The following GNG7 variants were observed in gnomAD, a reference collection of about 807,000 sequenced individuals.
GNG7 encodes G protein subunit gamma 7, also known as guanine nucleotide-binding protein G(I)/G(S)/G(O) subunit gamma-7.
A neutral mutation model predicts 4.0 loss-of-function variants in GNG7; 1 was observed. The observed-to-expected ratio is 0.25, with a 90% confidence interval of 0.09 to 1.18. GNG7 has a LOEUF of 1.18. Ranked by LOEUF, GNG7 falls within the 50% of genes most tolerant of loss-of-function variation. GNG7 has a pLI of 0.50. For missense variants in GNG7, 86 were observed against 91.9 expected (o/e 0.94, Z 0.26); for synonymous variants, 34 against 36.9 (o/e 0.92, Z 0.29).
chr19:2,592,163 A>G lies in GNG7; in HGVS notation c.-77-36975T>C, dbSNP rs148824715. On this transcript the variant is annotated intron_variant, in intron 2 of 4. Coordinates refer to ENST00000382159, the MANE Select transcript of GNG7 (RefSeq NM_052847.3). ...TTCTGCTGCAACATTATTTGGATGT[A>G]AGAAAAACTGTAAAGATCAGTAGTG... is the stretch of plus-strand genomic sequence containing the variant. Among the ~76,000 whole-genome samples the G allele has an allele frequency of 4.6e-5, 7 of 152,330 alleles. No homozygotes were observed. In the East Asian group the frequency reaches 1.3e-3, roughly 29 times the overall value.
intron 3 of GNG7, among the ~76,000 whole-genome samples, chr19:2,549,309 T>G (rs1979239302): frequency 6.7e-6 from 1 of 150,324 alleles, no homozygotes; most frequent in Non-Finnish European, 1.5e-5. Flanking sequence ...TTTTTTTTCT[T>G]TTAGATGGAG....
chr19:2,525,971 A>ATTTTTTTTTTTTTTTTTTTTTTT lies in GNG7; in HGVS notation c.-37-5247_-37-5246insAAAAAAAAAAAAAAAAAAAAAAA, dbSNP rs35639922. 2.6e-3 allele frequency among the ~76,000 whole-genome samples: 197 copies of ATTTTTTTTTTTTTTTTTTTTTTT among 75,672 alleles called. 31 individuals are homozygous for ATTTTTTTTTTTTTTTTTTTTTTT. Among genetic ancestry groups the ATTTTTTTTTTTTTTTTTTTTTTT allele is most frequent in the Non-Finnish European group, 3.6e-3 (157 of 43,522 alleles). 49.6% of individuals were successfully genotyped at this position (75,672 alleles called of 152,430 possible). A position where few individuals can be genotyped will look rare whatever the true frequency, so the allele number is the denominator to read the frequency against. ...ATTACAGGTGCCTGCCTCCACGCCA[A>ATTTTTTTTTTTTTTTTTTTTTTT]TTTTTTTTTTTTTTTTTGAGACAGA... is the stretch of plus-strand genomic sequence containing the variant. On this transcript the variant is annotated intron_variant, in intron 3 of 4. Transcript: ENST00000382159.
At chr19:2,686,577 G>A (rs886987470) in intron 1 of GNG7, among the ~76,000 whole-genome samples, 1 of 152,030 alleles carries the variant, frequency 6.6e-6, no homozygotes, top group Non-Finnish European at 1.5e-5. Context: ...CAACACATTC[G>A]GGACCGGCAG....
At chr19:2,651,768 A>G (rs569071280) in intron 1 of GNG7, among the ~76,000 whole-genome samples, 1 of 151,616 alleles carries the variant, frequency 6.6e-6, no homozygotes, top group East Asian at 2.0e-4. Flanking sequence ...GTTATGCCAT[A>G]TTGGCCAGGC....
intron 2 of GNG7, among the ~76,000 whole-genome samples, chr19:2,605,498 C>T (rs1298076808): frequency 6.9e-6 from 1 of 145,004 alleles, no homozygotes; most frequent in East Asian, 2.0e-4. Context: ...CACACCTGGC[C>T]AAATCTCACT....
intron 1 of GNG7, among the ~76,000 whole-genome samples, chr19:2,684,134 CA>C (rs1373278065): frequency 7.8e-6 from 1 of 128,790 alleles, no homozygotes; most frequent in Admixed American, 8.3e-5. Flanking sequence ...CCAGCCTGGC[CA>C]TTTTTTTTTT....
chr19:2,517,832 C>T (rs1299084538), intron 4 of GNG7, among the ~76,000 whole-genome samples: 2 of 152,224 alleles, frequency 1.3e-5, no homozygotes, highest in South Asian at 2.1e-4. Flanking sequence ...CATCCCAGAT[C>T]CTCTGTCCTC....
chr19:2,671,986 G>C (rs1408414661), intron 1 of GNG7, among the ~76,000 whole-genome samples: 1 of 136,600 alleles, frequency 7.3e-6, no homozygotes, highest in Non-Finnish European at 1.5e-5. Context: ...GGGAGGTGGA[G>C]CTTGCAGTGA....
chr19:2,547,911 C>T (rs1307543068), intron 3 of GNG7, among the ~76,000 whole-genome samples: 1 of 152,204 alleles, frequency 6.6e-6, no homozygotes, highest in Non-Finnish European at 1.5e-5. Flanking sequence ...TAGGCCCACC[C>T]CTCTGGGCTC....
chr19:2,636,772 C>A (rs754239935), intron 2 of GNG7, among the ~76,000 whole-genome samples: 4 of 152,046 alleles, frequency 2.6e-5, no homozygotes, highest in African/African-American at 4.8e-5. Context: ...AGTGTTGAAC[C>A]AGGAAGGTAT....
chr19:2,539,006 C>T (rs1978851732), intron 3 of GNG7, among the ~76,000 whole-genome samples: 1 of 152,064 alleles, frequency 6.6e-6, no homozygotes, highest in South Asian at 2.1e-4. Flanking sequence ...CTCCTGACCT[C>T]ATGATCTGCC....
chr19:2,693,767 G>A (rs1000575534), intron 1 of GNG7, among the ~76,000 whole-genome samples: 1 of 152,080 alleles, frequency 6.6e-6, no homozygotes, highest in Non-Finnish European at 1.5e-5. Flanking sequence ...CACCCCCAGG[G>A]ACAAGCTCTG....
rs1288420444 is a variant in GNG7, at chr19:2,634,469, A to G, written c.-78+11755T>C. Among the ~76,000 whole-genome samples the G allele has an allele frequency of 6.6e-6, 1 of 152,180 alleles. No homozygotes were observed. The highest frequency in any genetic ancestry group is 2.4e-5 in the African/African-American group (1 of 41,434). The stretch of plus-strand genomic sequence containing the variant: ...ATGTCCAAGCTCTCCTACCGCCGGG[A>G]AGCACTGCCTTGTCCTGGGCTACAG... On this transcript the variant is annotated intron_variant, in intron 2 of 4. Transcript: ENST00000382159. This position sits in a 1 kb window ranked among gnomAD's most constrained non-coding sequence, Gnocchi z 5.3.
chr19:2,602,376 C>T (rs548766238), intron 2 of GNG7, among the ~76,000 whole-genome samples: 9 of 152,318 alleles, frequency 5.9e-5, no homozygotes, highest in African/African-American at 1.9e-4. Context: ...GACTGGGCTG[C>T]GGGCTGCGTC....
At chr19:2,573,242 C>G (rs1007462535) in intron 2 of GNG7, among the ~76,000 whole-genome samples, 1 of 151,206 alleles carries the variant, frequency 6.6e-6, no homozygotes, top group Non-Finnish European at 1.5e-5. Context: ...AGGCTGGTCT[C>G]GAACTCCCAA....
At chr19:2,584,987 G>A (rs1310683526) in intron 2 of GNG7, among the ~76,000 whole-genome samples, 4 of 92,758 alleles carry the variant, frequency 4.3e-5, no homozygotes, top group African/African-American at 2.5e-4. Context: ...AGGGATGGAG[G>A]GAGGGAGGGA....
chr19:2,631,163 A>G (rs1455141057), intron 2 of GNG7, among the ~76,000 whole-genome samples: 1 of 152,174 alleles, frequency 6.6e-6, no homozygotes, highest in Non-Finnish European at 1.5e-5. Flanking sequence ...TAACCCCTTG[A>G]GAGGCAGGCA....
At chr19:2,542,942 T>C (rs1249529023) in intron 3 of GNG7, among the ~76,000 whole-genome samples, 1 of 150,290 alleles carries the variant, frequency 6.7e-6, no homozygotes, top group African/African-American at 2.5e-5. Context: ...AGGCAGAGTC[T>C]CGCTCTGTCA....
At chr19:2,597,011 C>T (rs974827961) in intron 2 of GNG7, among the ~76,000 whole-genome samples, 22 of 152,182 alleles carry the variant, frequency 1.4e-4, no homozygotes, top group African/African-American at 4.8e-4. Flanking sequence ...GCAATCCCAG[C>T]ACTTTTGGAG....
Sources: gnomAD v4.1 joint callset for allele counts (sites outside exome capture counted in the v4.1 genomes callset) on GRCh38, gnomAD v4.1.1 for gene constraint, Gnocchi (gnomAD v3.1) non-coding constraint, MANE v1.5 for transcripts, NCBI Gene and HGNC (gene_info 2026-07-23, HGNC 2026-07-21) for gene names.